Variants in AAK1 observed in about 807,000 individuals in gnomAD.
AAK1 encodes AP2 associated kinase 1.
Under a neutral mutation model 116.0 loss-of-function variants are expected in AAK1, and 37 were observed. The observed-to-expected ratio is 0.32, with a 90% CI of 0.25 to 0.42. AAK1 has a LOEUF of 0.42. Ranked by LOEUF, AAK1 falls within the 10% of genes least tolerant of loss-of-function variation. The pLI is 1.00. For missense variants in AAK1, 919 were observed against 1,170.6 expected (o/e 0.79, Z 3.14); for synonymous variants, 458 against 439.9 (o/e 1.04, Z -0.51).
chr2:69,594,632 A>G, intron 2 of AAK1: 1 of 527,884 alleles, frequency 1.9e-6, no homozygotes, highest in Non-Finnish European at 3.4e-6. Context: ...TCTTGTACCA[A>G]ACAGTTAGCC....
At chr2:69,515,446 C>G (rs1203134184) in intron 12 of AAK1, among the ~76,000 whole-genome samples, 1 of 152,084 alleles carries the variant, frequency 6.6e-6, no homozygotes, top group Non-Finnish European at 1.5e-5. Flanking sequence ...CCACCTCAGC[C>G]TCCTAAGTAC....
Position 69,466,301 on chromosome 2 carries a change from A to G in AAK1, c.*9568T>C, listed in dbSNP as rs1674484120. ...TCTCATCTTCTTCTTCAGACTCCAT[A>G]AGGAGAGGCCGAGACCCACTGCAGT... On this transcript the variant is annotated 3_prime_UTR_variant, in exon 22 of 22. Coordinates refer to ENST00000409085, the MANE Select transcript of AAK1 (RefSeq NM_014911.5). 1 of 1,289,530 alleles carries G rather than the reference A, an allele frequency of 7.8e-7. No individual in the cohort carries two copies. Among genetic ancestry groups the G allele is most frequent in the South Asian group, 1.2e-5 (1 of 81,012 alleles). 79.9% of individuals were successfully genotyped at this position (1,289,530 alleles called of 1,614,324 possible).
rs1675864351 is a variant in AAK1, at chr2:69,643,681, G to A, written c.-341C>T. 5 of 1,222,994 alleles carry A rather than the reference G, an allele frequency of 4.1e-6. No individual in the cohort carries two copies. Among genetic ancestry groups the A allele is most frequent in the Non-Finnish European group, 2.0e-6 (2 of 982,452 alleles). 75.8% of individuals were successfully genotyped at this position (1,222,994 alleles called of 1,614,324 possible). A position where few individuals can be genotyped will look rare whatever the true frequency, so the allele number is the denominator to read the frequency against. The stretch of plus-strand genomic sequence containing the variant: ...AGAGGCGGCGCTGCAGCGAGAGCCG[G>A]GGCCGCGCTCGGCTCCCGCCCGCCC... On this transcript the variant is annotated 5_prime_UTR_variant, in exon 1 of 22. Transcript: ENST00000409085.
intron 2 of AAK1, among the ~76,000 whole-genome samples, chr2:69,581,781 G>A (rs2312204): frequency 0.5 from 75,413 of 151,786 alleles, 20,456 homozygotes; most frequent in East Asian, 0.78. Flanking sequence ...ATTTGAGACC[G>A]GCCTGGGCAA....
chr2:69,479,385 T>C (rs1226275893), intron 19 of AAK1, among the ~76,000 whole-genome samples: 1 of 152,172 alleles, frequency 6.6e-6, no homozygotes, highest in Non-Finnish European at 1.5e-5. Flanking sequence ...CCTCTTAACA[T>C]TAACATAGAA....
intron 13 of AAK1, among the ~76,000 whole-genome samples, chr2:69,510,029 T>C (rs558561701): frequency 4.9e-4 from 75 of 152,354 alleles, no homozygotes; most frequent in Admixed American, 1.2e-3. Context: ...TAAATGTTAC[T>C]GCTCGTTTGT....
chr2:69,589,819 G>T (rs1387099556), intron 2 of AAK1, among the ~76,000 whole-genome samples: 1 of 151,980 alleles, frequency 6.6e-6, no homozygotes, highest in Non-Finnish European at 1.5e-5. Context: ...GATCTGCCTT[G>T]AGCGTTCAGG....
At chr2:69,586,702 A>G (rs2105156668) in intron 2 of AAK1, among the ~76,000 whole-genome samples, 1 of 152,322 alleles carries the variant, frequency 6.6e-6, no homozygotes, top group South Asian at 2.1e-4. Context: ...TGGAAAGATT[A>G]TCCCTAGGGC....
At position 69,468,670 on chromosome 2, in the gene AAK1, A is replaced by C. The variant is rs542064644; in HGVS notation, c.*7199T>G. ...GAAATTTAAACTGAATTCAGTTAAA[A>C]CAATTTGTGCACAGAGACTGGCAAA... On this transcript the variant is annotated 3_prime_UTR_variant, in exon 22 of 22. Transcript: ENST00000409085. 1 of 985,432 alleles carries C rather than the reference A, an allele frequency of 1.0e-6. No homozygotes were observed. The highest frequency in any genetic ancestry group is 1.7e-5 in the African/African-American group (1 of 57,370). The allele number at this position is 985,432 out of a possible 1,614,324, so 61.0% of individuals were successfully genotyped here.
chr2:69,621,995 C>T (rs1465196421), intron 2 of AAK1, among the ~76,000 whole-genome samples: 6 of 152,262 alleles, frequency 3.9e-5, no homozygotes, highest in Non-Finnish European at 8.8e-5. Flanking sequence ...CTTGAGGAGC[C>T]CTTCAGCCCG....
At chr2:69,559,704 G>A (rs1464767116) in intron 2 of AAK1, among the ~76,000 whole-genome samples, 1 of 152,158 alleles carries the variant, frequency 6.6e-6, no homozygotes, top group Non-Finnish European at 1.5e-5. Flanking sequence ...CAGAAGGTGG[G>A]GTGGTTCTCT....
chr2:69,608,112 G>A (rs1673889548), intron 2 of AAK1, among the ~76,000 whole-genome samples: 2 of 152,224 alleles, frequency 1.3e-5, no homozygotes, highest in Non-Finnish European at 2.9e-5. Context: ...AGCTTTCTAA[G>A]AAGCAATGTG....
chr2:69,485,624 G>A (rs961705499), intron 17 of AAK1, among the ~76,000 whole-genome samples: 1 of 152,028 alleles, frequency 6.6e-6, no homozygotes, highest in Non-Finnish European at 1.5e-5. Flanking sequence ...GCTTGACTGG[G>A]GAGGTGGAAA....
chr2:69,494,594 G>T (rs1205349987), intron 17 of AAK1, among the ~76,000 whole-genome samples: 1 of 152,112 alleles, frequency 6.6e-6, no homozygotes, highest in African/African-American at 2.4e-5. Context: ...ACCAAAACAG[G>T]GAGGAAAAGA....
chr2:69,561,818 T>G (rs777478031), intron 2 of AAK1, among the ~76,000 whole-genome samples: 1 of 152,186 alleles, frequency 6.6e-6, no homozygotes, highest in Non-Finnish European at 1.5e-5. Context: ...TTTTGCTTGC[T>G]CTAGAATAAA....
intron 2 of AAK1, among the ~76,000 whole-genome samples, chr2:69,642,236 C>T (rs1378264384): frequency 6.6e-6 from 1 of 152,024 alleles, no homozygotes; most frequent in Non-Finnish European, 1.5e-5. Context: ...AAACCTAAAG[C>T]GAGAAGGAAG....
rs764211637 is a variant in AAK1 at position 69,505,618 on chromosome 2, T to C, written c.2220A>G (p.Gln740=). ...GSAESLIPGF[Q]STQGDAFATT... is the part of the protein sequence containing the mutation. The stretch of plus-strand genomic sequence containing the variant: ...TAGCAAAAGCATCACCTTGGGTTGA[T>C]TGAAAGCCTGGGATCAAACTCTCAG... Residue 740 remains glutamine (Q), a synonymous_variant, in exon 16 of 22, where the codon CAA becomes CAG. Coordinates refer to ENST00000409085, the MANE Select transcript of AAK1 (RefSeq NM_014911.5). The C allele has an allele frequency of 2.7e-5, 43 of 1,613,646 alleles. No individual in the cohort carries two copies. The highest frequency in any genetic ancestry group is 5.5e-5 in the South Asian group (5 of 91,062).
chr2:69,643,389 C>T, intron 1 of AAK1, 115 bp from the exon 2 acceptor site: 1 of 1,185,004 alleles, frequency 8.4e-7, no homozygotes, highest in Non-Finnish European at 1.1e-6. Context: ...CATGTATTTT[C>T]CCGGCGAGAA....
chr2:69,467,459 A>G lies in AAK1; in HGVS notation c.*8410T>C, dbSNP rs752078276. On this transcript the variant is annotated 3_prime_UTR_variant, in exon 22 of 22. Coordinates refer to ENST00000409085, the MANE Select transcript of AAK1 (RefSeq NM_014911.5). ...AGGTTAGAAGTATGTCATTGGGCAC[A>G]TGTTAGCAAGAGGGCAGGAAAAAGG... The G allele has an allele frequency of 3.0e-5, 30 of 985,468 alleles. No individual in the cohort carries two copies. Among genetic ancestry groups the G allele is most frequent in the Non-Finnish European group, 3.6e-5 (30 of 829,932 alleles). 61.0% of individuals were successfully genotyped at this position (985,468 alleles called of 1,614,324 possible).
Sources: gnomAD v4.1 joint callset for allele counts (sites outside exome capture counted in the v4.1 genomes callset) on GRCh38, gnomAD v4.1.1 for gene constraint, MANE v1.5 for transcripts, NCBI Gene and HGNC (gene_info 2026-07-23, HGNC 2026-07-21) for gene names.